SBSPON: variants seen among roughly 807,000 people sequenced by gnomAD.
The protein encoded by SBSPON is somatomedin B and thrombospondin type 1 domain containing.
Under a neutral mutation model 35.8 loss-of-function variants are expected in SBSPON, and 30 were observed. That is an observed-to-expected ratio of 0.84 (90% CI 0.63 to 1.14). The LOEUF (loss-of-function observed/expected upper bound fraction) is 1.14, where lower values mean the gene tolerates loss of function less well. SBSPON is among the 50% of genes most tolerant of loss of function. The pLI is 0.00. For synonymous variants in SBSPON, 136 were observed against 135.9 expected (o/e 1.00, Z 0.00); for missense variants, 364 against 357.7 (o/e 1.02, Z -0.14).
intron 2 of SBSPON, among the ~76,000 whole-genome samples, chr8:73,076,106 T>C (rs1183433968): frequency 6.6e-6 from 1 of 152,120 alleles, no homozygotes; most frequent in Non-Finnish European, 1.5e-5. Context: ...CAAAACACTA[T>C]TGAGGTGGGA....
intron 1 of SBSPON, among the ~76,000 whole-genome samples, chr8:73,091,419 CT>C (rs1179530805): frequency 6.6e-6 from 1 of 152,198 alleles, no homozygotes; most frequent in Non-Finnish European, 1.5e-5. Context: ...GAGACTGCAT[CT>C]TTGTCACTTC....
Position 73,086,872 on chromosome 8 carries a change from A to G in SBSPON, c.215-5659T>C, listed in dbSNP as rs571039494. On this transcript the variant is annotated intron_variant, in intron 1 of 4. Transcript: ENST00000297354. ...ATTTTCCAAATTTTCTGCAACAAAC[A>G]TATATTTTGTAGTTAAGGAAAGAAA... Among the ~76,000 whole-genome samples the G allele has an allele frequency of 2.0e-5, 3 of 152,350 alleles. No individual in the cohort carries two copies. In the East Asian group the frequency reaches 5.8e-4, roughly 29 times the overall value.
intron 2 of SBSPON, among the ~76,000 whole-genome samples, chr8:73,072,911 AG>A (rs1650523881): frequency 7.9e-6 from 1 of 126,652 alleles, no homozygotes; most frequent in Non-Finnish European, 1.9e-5. Flanking sequence ...TCTGGGTCAG[AG>A]AAAAAAAAAT....
intron 1 of SBSPON, among the ~76,000 whole-genome samples, chr8:73,090,439 C>T (rs563291400): frequency 1.3e-5 from 2 of 152,362 alleles, no homozygotes; most frequent in East Asian, 1.9e-4. Context: ...GCTCTGAGCC[C>T]GGGAGGCAGG....
chr8:73,067,794 G>A (rs866235459), intron 4 of SBSPON, among the ~76,000 whole-genome samples: 7 of 147,030 alleles, frequency 4.8e-5, no homozygotes, highest in South Asian at 2.3e-4. Flanking sequence ...CTCCTGCCTC[G>A]GCCTCCTGGC....
At chr8:73,072,295 CAA>C (rs200903997) in intron 2 of SBSPON, among the ~76,000 whole-genome samples, 3,780 of 149,998 alleles carry the variant, frequency 0.025, 170 homozygotes, top group African/African-American at 0.086. Flanking sequence ...AGAAAGGAAA[CAA>C]AGAAGGATAG....
At position 73,074,821 on chromosome 8, in the gene SBSPON, A is replaced by G. The variant is rs572375029; in HGVS notation, c.410-2951T>C. 1.7e-4 allele frequency among the ~76,000 whole-genome samples: 26 copies of G among 152,366 alleles called. No individual in the cohort carries two copies. In the South Asian group the frequency reaches 5.4e-3, roughly 32 times the overall value. ...GTGGGTGCAGGGTCACCCTCTGGGT[A>G]CCATGGCCCCTGGTATGTGTATAGC... On this transcript the variant is annotated intron_variant, in intron 2 of 4. Coordinates refer to ENST00000297354, the MANE Select transcript of SBSPON (RefSeq NM_153225.4).
chr8:73,075,208 T>C (rs1427875271), intron 2 of SBSPON, among the ~76,000 whole-genome samples: 1 of 152,138 alleles, frequency 6.6e-6, no homozygotes, highest in Admixed American at 6.5e-5. Flanking sequence ...TCAAGCTCAG[T>C]TTCATGCTCT....
At chr8:73,067,589 C>A (rs1263198731) in intron 4 of SBSPON, 131 bp from the exon 5 acceptor site, 31 of 104,228 alleles carry the variant, frequency 3.0e-4, no homozygotes, top group Non-Finnish European at 4.6e-4. Flanking sequence ...CCCGTCTCTA[C>A]TATATATATA....
intron 2 of SBSPON, among the ~76,000 whole-genome samples, chr8:73,077,522 C>A (rs2130009408): frequency 6.6e-6 from 1 of 152,340 alleles, no homozygotes; most frequent in Admixed American, 6.5e-5. Context: ...CCAGAGCTCA[C>A]CACCGTGAGT....
At chr8:73,088,639 C>T (rs573914608) in intron 1 of SBSPON, among the ~76,000 whole-genome samples, 18 of 151,966 alleles carry the variant, frequency 1.2e-4, no homozygotes, top group African/African-American at 3.1e-4. Context: ...GCTGAGATCA[C>T]GCCACTGCAC....
chr8:73,083,394 C>T (rs974953878), intron 1 of SBSPON, among the ~76,000 whole-genome samples: 3 of 152,114 alleles, frequency 2.0e-5, no homozygotes, highest in Non-Finnish European at 2.9e-5. Context: ...TATTTTGCGT[C>T]GGAAGATTAA....
At chr8:73,069,782 C>G in intron 4 of SBSPON, 23 bp downstream of exon 4, 1 of 1,599,452 alleles carries the variant, frequency 6.3e-7, no homozygotes, top group Non-Finnish European at 8.6e-7. Flanking sequence ...AAGAAAAGTA[C>G]TTCAGTTAAT....
At chr8:73,092,716 C>A (rs549318830) in intron 1 of SBSPON, 138 bp downstream of exon 1, 1 of 636,532 alleles carries the variant, frequency 1.6e-6, no homozygotes. Flanking sequence ...ACCTGGATGG[C>A]GGTGGTGGGG....
In SBSPON at chr8:73,088,567, C is replaced by T. The variant is rs955781531; in HGVS notation, c.214+4287G>A. Reference sequence around the variant, plus strand: ...CACACGTCTGCAGTCCCAGCTACTCCGGGAGCTGAGGTGGGAAGATGGACT... The same window carrying T: ...CACACGTCTGCAGTCCCAGCTACTCTGGGAGCTGAGGTGGGAAGATGGACT... On this transcript the variant is annotated intron_variant, in intron 1 of 4. Coordinates refer to ENST00000297354, the MANE Select transcript of SBSPON (RefSeq NM_153225.4). 5.3e-5 allele frequency among the ~76,000 whole-genome samples: 8 copies of T among 151,866 alleles called. 1 individual carries two copies. The highest frequency in any genetic ancestry group is 8.8e-5 in the Non-Finnish European group (6 of 67,954).
chr8:73,069,993 G>C lies in SBSPON; in HGVS notation c.501-12C>G. On this transcript the variant is annotated splice_polypyrimidine_tract_variant and intron_variant, in intron 3 of 4. Transcript: ENST00000297354. ...ACTCCATACAGTATCTACAGCAAAAGAAGTAACAATGACACTTGCTGTAAT... is the reference window on the plus strand; with the variant it reads ...ACTCCATACAGTATCTACAGCAAAACAAGTAACAATGACACTTGCTGTAAT... 6.6e-7 allele frequency: 1 copy of C among 1,524,446 alleles called. No individual in the cohort carries two copies. The highest frequency in any genetic ancestry group is 8.9e-7 in the Non-Finnish European group (1 of 1,127,288). The allele number at this position is 1,524,446 out of a possible 1,614,324, so 94.4% of individuals were successfully genotyped here.
chr8:73,087,901 C>T (rs1459319434), intron 1 of SBSPON, among the ~76,000 whole-genome samples: 2 of 152,172 alleles, frequency 1.3e-5, no homozygotes, highest in African/African-American at 4.8e-5. Context: ...GGATGTTATC[C>T]ACCTCATAAG....
chr8:73,084,749 G>GACACACACACACAC (rs57178636), intron 1 of SBSPON, among the ~76,000 whole-genome samples: 1 of 134,356 alleles, frequency 7.4e-6, no homozygotes, highest in South Asian at 2.7e-4. Flanking sequence ...CCACTACACA[G>GACACACACACACAC]ACACACACAC....
intron 1 of SBSPON, among the ~76,000 whole-genome samples, chr8:73,081,981 G>A (rs760938838): frequency 2.6e-5 from 4 of 152,274 alleles, no homozygotes; most frequent in African/African-American, 4.8e-5. Context: ...TGATTTGGTC[G>A]GTGTGGGGCT....
Sources: gnomAD v4.1 joint callset for allele counts (sites outside exome capture counted in the v4.1 genomes callset) on GRCh38, gnomAD v4.1.1 for gene constraint, MANE v1.5 for transcripts, NCBI Gene and HGNC (gene_info 2026-07-23, HGNC 2026-07-21) for gene names.